Variants in TMC6 observed in about 807,000 individuals in gnomAD.
TMC6 encodes the protein transmembrane channel-like protein 6.
TMC6 carries 71 observed loss-of-function variants against 95.4 expected under a neutral mutation model. That is an observed-to-expected ratio of 0.74 (90% CI 0.61 to 0.91). The LOEUF (loss-of-function observed/expected upper bound fraction) is 0.91. Ranked by LOEUF, TMC6 falls within the 40% of genes least tolerant of loss-of-function variation. The pLI is 0.00. For synonymous variants in TMC6, 514 were observed against 483.1 expected (o/e 1.06, Z -0.84); for missense variants, 1,074 against 1,079.1 (o/e 1.00, Z 0.07).
upstream of TMC6, chr17:78,131,735 C>G (rs1314713220): frequency 2.5e-6 from 4 of 1,582,092 alleles, no homozygotes; most frequent in South Asian, 4.6e-5. Flanking sequence ...AGCGCCTCAT[C>G]TGGTGGGTGC....
upstream of TMC6, chr17:78,132,184 C>G: frequency 7.1e-7 from 1 of 1,405,666 alleles, no homozygotes; most frequent in Non-Finnish European, 9.7e-7. Context: ...CCGCAGGCAC[C>G]GCAAACCTCG....
chr17:78,126,652 C>T lies in TMC6; in HGVS notation c.57-4G>A, dbSNP rs757768193. On this transcript the variant is annotated splice_region_variant and splice_polypyrimidine_tract_variant and intron_variant, in intron 2 of 19. Coordinates refer to ENST00000590602, the MANE Select transcript of TMC6 (RefSeq NM_001127198.5). ...ATCATAGGGGCTGGGGCCCTGGCTGCAGAGGGGGTTGGCGGGGGGGTCAGG... is the reference window on the plus strand; with the variant it reads ...ATCATAGGGGCTGGGGCCCTGGCTGTAGAGGGGGTTGGCGGGGGGGTCAGG... The T allele has an allele frequency of 3.5e-5, 57 of 1,612,950 alleles. No homozygotes were observed. The highest frequency in any genetic ancestry group is 4.7e-5 in the Non-Finnish European group (56 of 1,179,900).
At chr17:78,119,096 C>T (rs749266582) in intron 14 of TMC6, 50 bp from the exon 15 acceptor site, 11 of 1,545,632 alleles carry the variant, frequency 7.1e-6, no homozygotes, top group East Asian at 2.4e-5. Flanking sequence ...CTCCCCTCCC[C>T]GAGATCAGGC....
intron 13 of TMC6, 49 bp downstream of exon 13, chr17:78,120,604 C>A (rs2074365118): frequency 1.2e-6 from 2 of 1,609,752 alleles, no homozygotes; most frequent in South Asian, 2.2e-5. Flanking sequence ...CACGTCCCGG[C>A]CACTAAGGGG....
chr17:78,115,445 G>A (rs971734071), intron 18 of TMC6, among the ~76,000 whole-genome samples: 2 of 152,170 alleles, frequency 1.3e-5, no homozygotes, highest in East Asian at 1.9e-4. Context: ...GGAGGGCAGA[G>A]CCCAGCAGCA....
rs371428648 is a variant in TMC6, at chr17:78,112,784, G to A, written c.*364C>T. On this transcript the variant is annotated 3_prime_UTR_variant, in exon 20 of 20. Coordinates refer to ENST00000590602, the MANE Select transcript of TMC6 (RefSeq NM_001127198.5). ...TGGCGCGGTCCAGCCCCTGCCATCT[G>A]GGGCTTGGCCAGCAGAGGGCGCCCC... 211 of 365,210 alleles carry A rather than the reference G, an allele frequency of 5.8e-4. 5 individuals carry two copies. In the South Asian group the frequency reaches 7.1e-3, roughly 12 times the overall value. The allele number at this position is 365,210 out of a possible 1,614,324, so 22.6% of individuals were successfully genotyped here.
At chr17:78,118,399 CA>C (rs1451494350) in intron 15 of TMC6, among the ~76,000 whole-genome samples, 3 of 152,066 alleles carry the variant, frequency 2.0e-5, no homozygotes, top group Admixed American at 6.5e-5. Flanking sequence ...ACTAAAAATA[CA>C]AAAAAATTAG....
In TMC6 at chr17:78,124,061, T is replaced by C. The variant is rs750730908; in HGVS notation, c.1010A>G (p.Tyr337Cys). ...GGAGAGGTAGGCCAGGGGCATGTTG[T>C]AGGGCAGGCCACCCACCCTGGGTGT... ...QCTPRVGGLP[Y>C]NMPLAYLSTV... The change falls in exon 9 of 20, where the codon TAC (tyrosine) becomes TGC (cysteine). Residue 337 changes from tyrosine to cysteine, a missense_variant. Coordinates refer to ENST00000590602, the MANE Select transcript of TMC6 (RefSeq NM_001127198.5). The C allele has an allele frequency of 6.2e-7, 1 of 1,613,516 alleles. No homozygotes were observed. Among genetic ancestry groups the C allele is most frequent in the East Asian group, 2.2e-5 (1 of 44,886 alleles).
chr17:78,127,007 C>G (rs956834068), intron 1 of TMC6, 101 bp from the exon 2 acceptor site: 2 of 724,924 alleles, frequency 2.8e-6, no homozygotes, highest in African/African-American at 1.7e-5. Context: ...CACTCACAGC[C>G]CAGACAGTCC....
In TMC6 at chr17:78,125,229, G is replaced by A; in HGVS notation, c.465C>T (p.Ser155=). The A allele has an allele frequency of 6.3e-7, 1 of 1,587,850 alleles. No homozygotes were observed. Among genetic ancestry groups the A allele is most frequent in the South Asian group, 1.1e-5 (1 of 87,334 alleles). The part of the protein sequence containing the change: ...KQSLLVKELQ[S]LAVAQRDHML... ...TGTGGTCCCGCTGTGCCACTGCCAG[G>A]CTCTGGAGCTCCTTCACCAGGAGGC... The change falls in exon 6 of 20, where the codon AGC becomes AGT. Residue 155 remains serine (S), a synonymous_variant. Transcript: ENST00000590602.
rs1190491595 is a variant in TMC6 at position 78,126,622 on chromosome 17, C to T, written c.83G>A (p.Ser28Asn). 14 of 1,613,460 alleles carry T rather than the reference C, an allele frequency of 8.7e-6. No individual in the cohort carries two copies. Among genetic ancestry groups the T allele is most frequent in the African/African-American group, 1.3e-5 (1 of 74,926 alleles). Residue 28 changes from serine (S) to asparagine (N), a missense_variant, in exon 3 of 20, where the codon AGC becomes AAC. Transcript: ENST00000590602. ...CTGCTGGAAGGAGTCGTGCACTTCG[C>T]TTTCATCATAGGGGCTGGGGCCCTG... is the stretch of plus-strand genomic sequence containing the variant. The part of the protein sequence containing the change: ...QGQGPSPYDE[S>N]EVHDSFQQLI...
At chr17:78,120,461 T>C (rs754768960) in intron 13 of TMC6, 192 bp downstream of exon 13, 2 of 874,602 alleles carry the variant, frequency 2.3e-6, no homozygotes, top group Non-Finnish European at 3.7e-6. Context: ...TGCCTGGCCA[T>C]ACACATCACT....
rs2073790625 is a variant in TMC6, at chr17:78,109,863, T to A, written c.*3285A>T. 1 of 317,726 alleles carries A rather than the reference T, an allele frequency of 3.1e-6. No individual in the cohort carries two copies. Among genetic ancestry groups the A allele is most frequent in the Admixed American group, 4.5e-5 (1 of 21,994 alleles). The allele number at this position is 317,726 out of a possible 1,614,324, so 19.7% of individuals were successfully genotyped here. A position where few individuals can be genotyped will look rare whatever the true frequency, so the allele number is the denominator to read the frequency against. On this transcript the variant is annotated 3_prime_UTR_variant, in exon 20 of 20. Coordinates refer to ENST00000590602, the MANE Select transcript of TMC6 (RefSeq NM_001127198.5). ...GGGCGGATCACCTGAGGTCAGGAGT[T>A]CAAGACCAGCCTGAGCAACATGGAG...
chr17:78,114,630 T>C (rs1201373917), intron 18 of TMC6, among the ~76,000 whole-genome samples: 2 of 149,952 alleles, frequency 1.3e-5, no homozygotes, highest in African/African-American at 4.9e-5. Flanking sequence ...ACAGGAGTTC[T>C]GTCAAGAGCC....
intron 9 of TMC6, 105 bp downstream of exon 9, chr17:78,123,872 CAGACAGGTAGAT>C: frequency 1.5e-6 from 2 of 1,363,664 alleles, no homozygotes; most frequent in South Asian, 2.5e-5. Context: ...TGGATGAGAG[CAGACAGGTAGAT>C]GGACAGAAGG....
chr17:78,131,357 G>A, upstream of TMC6: 1 of 620,568 alleles, frequency 1.6e-6, no homozygotes, highest in Non-Finnish European at 2.8e-6. Flanking sequence ...ACCGCAGCAG[G>A]ATTCTCTCTC....
chr17:78,131,875 C>G, upstream of TMC6: 1 of 1,457,788 alleles, frequency 6.9e-7, no homozygotes, highest in Non-Finnish European at 9.0e-7. Context: ...TCACCACCCC[C>G]GTCCAGGCAG....
In TMC6 at chr17:78,122,603, A is replaced by C. The variant is rs2074471505; in HGVS notation, c.1227+2T>G. ...CCAGCTTGGTGCTCCGGGGCCACTC[A>C]CCTTCAGCCGGGTGCGAATATTGTC... On this transcript the variant is annotated splice_donor_variant, in intron 10 of 19. Coordinates refer to ENST00000590602, the MANE Select transcript of TMC6 (RefSeq NM_001127198.5). LOFTEE classifies it high-confidence loss of function. This position sits in a 1 kb window ranked among gnomAD's most constrained non-coding sequence, Gnocchi z 4.9. 1 of 1,609,372 alleles carries C rather than the reference A, an allele frequency of 6.2e-7. No individual in the cohort carries two copies. Among genetic ancestry groups the C allele is most frequent in the Non-Finnish European group, 8.5e-7 (1 of 1,179,766 alleles).
In TMC6 at chr17:78,112,078, G is replaced by C. The variant is rs1435147947; in HGVS notation, c.*1070C>G. On this transcript the variant is annotated 3_prime_UTR_variant, in exon 20 of 20. Transcript: ENST00000590602. ...TGGTCCCCGCAGGCCTGGAGCACAGGCTGACGGGCTGGTCCCCGCAGGCCT... is the reference window on the plus strand; with the variant it reads ...TGGTCCCCGCAGGCCTGGAGCACAGCCTGACGGGCTGGTCCCCGCAGGCCT... 3 of 222,182 alleles carry C rather than the reference G, an allele frequency of 1.4e-5. No homozygotes were observed. Among genetic ancestry groups the C allele is most frequent in the African/African-American group, 5.1e-5 (2 of 39,358 alleles). The allele number at this position is 222,182 out of a possible 1,614,324, so 13.8% of individuals were successfully genotyped here.
Sources: allele counts gnomAD v4.1 joint callset (sites outside exome capture counted in the v4.1 genomes callset), GRCh38; gene constraint gnomAD v4.1.1; non-coding constraint Gnocchi (gnomAD v3.1); transcripts MANE v1.5; gene names NCBI Gene and HGNC (gene_info 2026-07-23, HGNC 2026-07-21).